NEGR1: variants seen among roughly 807,000 people sequenced by gnomAD.
The protein encoded by NEGR1 is IgLON family member 4.
In NEGR1, 10 loss-of-function variants were observed where a neutral mutation model predicts 40.9. The ratio of observed to expected loss-of-function variants is 0.24; its 90% CI spans 0.15 to 0.42. NEGR1 has a LOEUF of 0.42. Ranked by LOEUF, NEGR1 falls within the 10% of genes least tolerant of loss-of-function variation. The pLI is 1.00. For synonymous variants in NEGR1, 185 were observed against 166.8 expected, an observed-to-expected ratio of 1.11 and a Z score of -0.84; for missense variants, 352 against 438.9, an observed-to-expected ratio of 0.80 and a Z score of 1.77.
At chr1:71,487,429 C>A (rs1404389704) in intron 6 of NEGR1, among the ~76,000 whole-genome samples, 1 of 151,696 alleles carries the variant, frequency 6.6e-6, no homozygotes, top group Non-Finnish European at 1.5e-5. Context: ...TGTAGCCCCT[C>A]TGATTATTTT....
chr1:71,753,677 G>A (rs183160265), intron 3 of NEGR1, among the ~76,000 whole-genome samples: 4 of 152,058 alleles, frequency 2.6e-5, no homozygotes, highest in East Asian at 1.9e-4. Flanking sequence ...CTTTATATTC[G>A]GAGAATGAGC....
At chr1:71,842,587 A>C (rs1659281547) in intron 2 of NEGR1, among the ~76,000 whole-genome samples, 1 of 152,222 alleles carries the variant, frequency 6.6e-6, no homozygotes, top group African/African-American at 2.4e-5. Context: ...CATGTCTTCC[A>C]ATTTTTCATA....
intron 6 of NEGR1, chr1:71,486,992 A>T (rs546166309): frequency 5.7e-4 from 87 of 151,778 alleles, no homozygotes; most frequent in African/African-American, 2.0e-3. Context: ...GCAGGCCGAT[A>T]TAGCAGTTGC....
chr1:71,912,658 AT>A (rs1440215239), intron 2 of NEGR1, among the ~76,000 whole-genome samples: 1 of 152,152 alleles, frequency 6.6e-6, no homozygotes, highest in Non-Finnish European at 1.5e-5. Flanking sequence ...AGTCCCTTTT[AT>A]TGCAGATCAT....
At chr1:71,808,818 T>C (rs1235390014) in intron 2 of NEGR1, among the ~76,000 whole-genome samples, 1 of 152,174 alleles carries the variant, frequency 6.6e-6, no homozygotes, top group Non-Finnish European at 1.5e-5. Context: ...TTTCCTCCTC[T>C]TAGAGTAAAC....
At chr1:71,528,323 G>T (rs1250810041) in intron 6 of NEGR1, among the ~76,000 whole-genome samples, 2 of 151,190 alleles carry the variant, frequency 1.3e-5, no homozygotes, top group African/African-American at 4.8e-5. Flanking sequence ...TGAAACTATA[G>T]AATATATCAT....
intron 1 of NEGR1, among the ~76,000 whole-genome samples, chr1:72,012,838 C>CATATATATAT (rs1553130322): frequency 8.8e-6 from 1 of 113,530 alleles, no homozygotes; most frequent in Non-Finnish European, 2.0e-5. Context: ...CACATATATA[C>CATATATATAT]ATACATATAT....
chr1:72,250,967 T>TCTCCTCCATAACC (rs1553153833), intron 1 of NEGR1, among the ~76,000 whole-genome samples: 1 of 152,144 alleles, frequency 6.6e-6, no homozygotes, highest in Admixed American at 6.5e-5. Flanking sequence ...TATCCATAAC[T>TCTCCTCCATAACC]CTCCAGATAA....
At chr1:72,071,066 A>G (rs972890282) in intron 1 of NEGR1, among the ~76,000 whole-genome samples, 5 of 152,106 alleles carry the variant, frequency 3.3e-5, no homozygotes, top group African/African-American at 1.2e-4. Context: ...GCACCTAAAA[A>G]TTAAACAGAA....
intron 2 of NEGR1, among the ~76,000 whole-genome samples, chr1:71,851,487 A>G (rs1177187414): frequency 2.0e-5 from 3 of 152,186 alleles, no homozygotes; most frequent in Non-Finnish European, 4.4e-5. Flanking sequence ...ATTAGGAAAT[A>G]ACACTTTTTA....
chr1:72,123,016 A>C (rs2100294866), intron 1 of NEGR1, among the ~76,000 whole-genome samples: 1 of 152,084 alleles, frequency 6.6e-6, no homozygotes, highest in African/African-American at 2.4e-5. Context: ...CTTTTAAAAT[A>C]TTTGTTCATT....
chr1:71,977,126 C>T (rs926407183), intron 1 of NEGR1, among the ~76,000 whole-genome samples: 1 of 152,000 alleles, frequency 6.6e-6, no homozygotes, highest in Non-Finnish European at 1.5e-5. Flanking sequence ...AGTTTGAGAC[C>T]AATCTGGCCA....
intron 5 of NEGR1, among the ~76,000 whole-genome samples, chr1:71,610,201 A>G (rs965736699): frequency 3.9e-5 from 6 of 152,206 alleles, no homozygotes; most frequent in Non-Finnish European, 8.8e-5. Context: ...GGAATTGCCA[A>G]CATTTGGCTT....
chr1:71,493,949 A>T (rs938138777), intron 6 of NEGR1, among the ~76,000 whole-genome samples: 4 of 152,028 alleles, frequency 2.6e-5, no homozygotes, highest in African/African-American at 9.7e-5. Flanking sequence ...TCACATTTCC[A>T]ATTCTTTCCT....
chr1:71,880,539 T>C (rs1225026203), intron 2 of NEGR1, among the ~76,000 whole-genome samples: 1 of 152,050 alleles, frequency 6.6e-6, no homozygotes, highest in African/African-American at 2.4e-5. Flanking sequence ...TGAATTTTCT[T>C]TTTGGAAACA....
intron 4 of NEGR1, among the ~76,000 whole-genome samples, chr1:71,668,164 G>T (rs1652302934): frequency 6.6e-6 from 1 of 152,026 alleles, no homozygotes; most frequent in South Asian, 2.1e-4. Context: ...TGTGTCATCT[G>T]GTCATGTTTG....
chr1:71,925,179 C>T (rs1645760769), intron 2 of NEGR1, among the ~76,000 whole-genome samples: 1 of 152,132 alleles, frequency 6.6e-6, no homozygotes, highest in African/African-American at 2.4e-5. Context: ...GTTCATAAGC[C>T]TGTGCTCATG....
intron 1 of NEGR1, among the ~76,000 whole-genome samples, chr1:72,138,536 A>T (rs1650554608): frequency 6.6e-6 from 1 of 152,000 alleles, no homozygotes; most frequent in African/African-American, 2.4e-5. Context: ...AATAAAATAT[A>T]TGCTATGAAT....
chr1:72,247,380 T>C (rs1386829336), intron 1 of NEGR1, among the ~76,000 whole-genome samples: 1 of 152,252 alleles, frequency 6.6e-6, no homozygotes, highest in Non-Finnish European at 1.5e-5. Context: ...GTCACTTGTT[T>C]GCTCCTGCAT....
Sources: gnomAD v4.1 joint callset for allele counts (sites outside exome capture counted in the v4.1 genomes callset) on GRCh38, gnomAD v4.1.1 for gene constraint, MANE v1.5 for transcripts, NCBI Gene and HGNC (gene_info 2026-07-23, HGNC 2026-07-21) for gene names.